Variants in PPARGC1A observed in about 807,000 individuals in gnomAD.
The protein encoded by PPARGC1A is peroxisome proliferator-activated receptor gamma coactivator 1-alpha.
In PPARGC1A, 25 loss-of-function variants were observed where a neutral mutation model predicts 88.7. The observed-to-expected ratio is 0.28, with a 90% confidence interval of 0.21 to 0.39. The LOEUF is 0.39. Ranked by LOEUF, PPARGC1A falls within the 10% of genes least tolerant of loss-of-function variation. The pLI is 1.00. For synonymous variants in PPARGC1A, 363 were observed against 355.6 expected, an observed-to-expected ratio of 1.02 and a Z score of -0.24; for missense variants, 880 against 968.7, an observed-to-expected ratio of 0.91 and a Z score of 1.22.
chr4:23,894,276 C>CA (rs1239350324), upstream of PPARGC1A, among the ~76,000 whole-genome samples: 2 of 152,072 alleles, frequency 1.3e-5, no homozygotes, highest in African/African-American at 4.8e-5. Context: ...AACAGGCATT[C>CA]AATTGCTTGC....
chr4:24,447,293 A>G, the PPARGC1A span, among the ~76,000 whole-genome samples: 3,838 of 152,304 alleles, frequency 0.025, 66 homozygotes, highest in South Asian at 0.064. Context: ...CATCATCACC[A>G]ACCAGGGGCT....
At chr4:24,013,050 T>G in the PPARGC1A span, among the ~76,000 whole-genome samples, 1 of 152,134 alleles carries the variant, frequency 6.6e-6, no homozygotes, top group African/African-American at 2.4e-5. Flanking sequence ...AACAGGTTGC[T>G]CCAGGGTGAG....
chr4:23,862,702 A>C (rs61301272), intron 2 of PPARGC1A, among the ~76,000 whole-genome samples: 30,525 of 152,160 alleles, frequency 0.2, 3,368 homozygotes, highest in African/African-American at 0.29. Flanking sequence ...GTGCTGGGCA[A>C]GCCCAAAGCT....
chr4:24,114,694 C>T, the PPARGC1A span, among the ~76,000 whole-genome samples: 1 of 152,192 alleles, frequency 6.6e-6, no homozygotes, highest in Non-Finnish European at 1.5e-5. Flanking sequence ...TGTGACTTTG[C>T]ACCTCAAGTT....
At chr4:24,199,301 G>T in the PPARGC1A span, among the ~76,000 whole-genome samples, 1 of 152,128 alleles carries the variant, frequency 6.6e-6, no homozygotes, top group African/African-American at 2.4e-5. Flanking sequence ...ATGCAAGGGG[G>T]TCAAACCTGA....
At chr4:23,823,344 G>A (rs1184159342) in intron 7 of PPARGC1A, among the ~76,000 whole-genome samples, 1 of 151,858 alleles carries the variant, frequency 6.6e-6, no homozygotes, top group Non-Finnish European at 1.5e-5. Context: ...ATACAAGAAA[G>A]ATGAATCAAT....
At chr4:24,088,259 G>T in the PPARGC1A span, among the ~76,000 whole-genome samples, 1 of 152,152 alleles carries the variant, frequency 6.6e-6, no homozygotes, top group Non-Finnish European at 1.5e-5. Flanking sequence ...GGAGGCTGAA[G>T]TGGGAGGATC....
the PPARGC1A span, among the ~76,000 whole-genome samples, chr4:24,291,221 C>G: frequency 8.1e-4 from 123 of 152,264 alleles, 1 homozygote; most frequent in African/African-American, 2.8e-3. Context: ...TAAAACAAAT[C>G]CAAACCTCTG....
At chr4:24,050,861 A>G in the PPARGC1A span, among the ~76,000 whole-genome samples, 6 of 152,206 alleles carry the variant, frequency 3.9e-5, no homozygotes, top group Non-Finnish European at 5.9e-5. Flanking sequence ...TCCAATCAAC[A>G]TTTTATTTAG....
chr4:23,816,543 A>T (rs1400669088), intron 7 of PPARGC1A, among the ~76,000 whole-genome samples: 2 of 73,802 alleles, frequency 2.7e-5, no homozygotes, highest in African/African-American at 6.2e-5. Flanking sequence ...CCAGCGAGAT[A>T]AAAAAAAAAG....
chr4:24,319,672 T>G, the PPARGC1A span, among the ~76,000 whole-genome samples: 3 of 152,244 alleles, frequency 2.0e-5, no homozygotes, highest in Non-Finnish European at 2.9e-5. Flanking sequence ...CTTTACTTTT[T>G]GATAGAATTA....
chr4:23,871,778 G>A (rs1347991603), intron 2 of PPARGC1A, among the ~76,000 whole-genome samples: 1 of 152,202 alleles, frequency 6.6e-6, no homozygotes, highest in Non-Finnish European at 1.5e-5. Context: ...ACCAAGGGCA[G>A]TGCTATAATA....
chr4:24,284,674 C>T, the PPARGC1A span, among the ~76,000 whole-genome samples: 1 of 152,202 alleles, frequency 6.6e-6, no homozygotes, highest in Non-Finnish European at 1.5e-5. Context: ...AAGAAATGAA[C>T]TTTCCCAATA....
chr4:24,083,251 C>T, the PPARGC1A span, among the ~76,000 whole-genome samples: 2 of 152,128 alleles, frequency 1.3e-5, no homozygotes, highest in Non-Finnish European at 2.9e-5. Flanking sequence ...CCATCAAATG[C>T]TTTGGCTGTC....
chr4:24,339,192 A>ATGTGTG, the PPARGC1A span, among the ~76,000 whole-genome samples: 1,612 of 90,920 alleles, frequency 0.018, 18 homozygotes, highest in South Asian at 0.026. Context: ...AGGTTCATCC[A>ATGTGTG]TGTGTGTGTG....
intron 1 of PPARGC1A, among the ~76,000 whole-genome samples, chr4:23,886,234 A>G (rs1411298711): frequency 6.6e-6 from 1 of 152,206 alleles, no homozygotes; most frequent in African/African-American, 2.4e-5. Context: ...GGCTGCAGTT[A>G]GGCATAAAAT....
chr4:24,238,452 T>C, the PPARGC1A span, among the ~76,000 whole-genome samples: 10 of 152,302 alleles, frequency 6.6e-5, no homozygotes, highest in South Asian at 6.2e-4. Flanking sequence ...CACGGAGTTA[T>C]GCTGAAAGCC....
the PPARGC1A span, among the ~76,000 whole-genome samples, chr4:24,068,443 T>C: frequency 3.3e-5 from 5 of 152,108 alleles, no homozygotes; most frequent in Admixed American, 6.6e-5. Flanking sequence ...TGCTAGGTGG[T>C]AGAAATACAG....
the PPARGC1A span, among the ~76,000 whole-genome samples, chr4:24,471,956 G>T: frequency 2.0e-5 from 3 of 152,212 alleles, no homozygotes; most frequent in Admixed American, 2.0e-4. This position sits in a 1 kb window ranked among gnomAD's most constrained non-coding sequence, Gnocchi z 5.4. Flanking sequence ...TTGCGGCTCT[G>T]CAGCCCCTCG....
Sources: gnomAD v4.1 joint callset for allele counts (sites outside exome capture counted in the v4.1 genomes callset) on GRCh38, gnomAD v4.1.1 for gene constraint, Gnocchi (gnomAD v3.1) non-coding constraint, MANE v1.5 for transcripts, NCBI Gene and HGNC (gene_info 2026-07-23, HGNC 2026-07-21) for gene names.